DOCK3: variants seen among roughly 807,000 people sequenced by gnomAD.
The protein encoded by DOCK3 is dedicator of cytokinesis protein 3.
In DOCK3, 60 loss-of-function variants were observed where a neutral mutation model predicts 265.6. The ratio of observed to expected loss-of-function variants is 0.23; its 90% confidence interval spans 0.18 to 0.28. The LOEUF (loss-of-function observed/expected upper bound fraction) is 0.28. DOCK3 is among the 10% of genes least tolerant of loss of function. DOCK3 has a pLI of 1.00. For synonymous variants in DOCK3, 881 were observed against 938.0 expected (o/e 0.94, Z 1.11); for missense variants, 1,981 against 2,594.3 (o/e 0.76, Z 5.14).
intron 21 of DOCK3, among the ~76,000 whole-genome samples, chr3:51,239,232 CAG>C (rs1173539348): frequency 2.8e-4 from 6 of 21,366 alleles, no homozygotes; most frequent in African/African-American, 7.9e-4. Context: ...TATTTAGAGA[CAG>C]AGTCTCACTC....
At chr3:51,044,963 T>A (rs959705432) in intron 5 of DOCK3, among the ~76,000 whole-genome samples, 29 of 152,160 alleles carry the variant, frequency 1.9e-4, no homozygotes, top group Admixed American at 6.6e-4. Context: ...CACTCAAAAA[T>A]TTTTTTTATA....
At chr3:51,101,176 A>C (rs2083075255) in intron 9 of DOCK3, among the ~76,000 whole-genome samples, 1 of 140,220 alleles carries the variant, frequency 7.1e-6, no homozygotes, top group Non-Finnish European at 1.5e-5. Context: ...TGCGGACTGC[A>C]GTGGCGCAAT....
At chr3:51,143,423 C>A (rs1276505861) in intron 9 of DOCK3, among the ~76,000 whole-genome samples, 2 of 151,720 alleles carry the variant, frequency 1.3e-5, no homozygotes, top group Non-Finnish European at 2.9e-5. Flanking sequence ...GCACCCGCCA[C>A]TATGCCTGGC....
intron 3 of DOCK3, among the ~76,000 whole-genome samples, chr3:50,867,420 G>A (rs2047197044): frequency 6.6e-6 from 1 of 151,886 alleles, no homozygotes; most frequent in Admixed American, 6.6e-5. Context: ...GTTTTTTTCT[G>A]TTGTCTGATT....
At chr3:50,887,186 C>T (rs1356681008) in intron 3 of DOCK3, among the ~76,000 whole-genome samples, 1 of 151,986 alleles carries the variant, frequency 6.6e-6, no homozygotes, top group Admixed American at 6.6e-5. Context: ...GGGATATCAC[C>T]ACCGATCCCA....
At chr3:50,736,335 G>C (rs920287092) in intron 1 of DOCK3, among the ~76,000 whole-genome samples, 1 of 152,116 alleles carries the variant, frequency 6.6e-6, no homozygotes, top group Non-Finnish European at 1.5e-5. Flanking sequence ...AGTCTTTGCT[G>C]TTGTGAATAG....
At chr3:50,757,423 G>C (rs965688560) in intron 1 of DOCK3, among the ~76,000 whole-genome samples, 1 of 150,126 alleles carries the variant, frequency 6.7e-6, no homozygotes, top group African/African-American at 2.4e-5. Context: ...CCACCTGCCT[G>C]GGCCTCCCAA....
At chr3:51,245,950 T>C (rs1170455942) in intron 21 of DOCK3, among the ~76,000 whole-genome samples, 1 of 152,194 alleles carries the variant, frequency 6.6e-6, no homozygotes, top group Non-Finnish European at 1.5e-5. Flanking sequence ...AAACTAGATA[T>C]TGATAGGCCC....
chr3:51,072,952 C>T (rs1217450866), intron 6 of DOCK3, among the ~76,000 whole-genome samples: 1 of 151,632 alleles, frequency 6.6e-6, no homozygotes, highest in East Asian at 1.9e-4. Flanking sequence ...AAGCAGTCCT[C>T]GCTCCCTGAC....
At chr3:50,845,701 T>G (rs1008179436) in intron 3 of DOCK3, among the ~76,000 whole-genome samples, 1 of 152,110 alleles carries the variant, frequency 6.6e-6, no homozygotes, top group African/African-American at 2.4e-5. Flanking sequence ...AAAATAGGGT[T>G]TATCAGGAAA....
chr3:50,978,239 G>GT (rs983336811), intron 5 of DOCK3, among the ~76,000 whole-genome samples: 2 of 149,362 alleles, frequency 1.3e-5, no homozygotes, highest in African/African-American at 4.9e-5. Context: ...AGAGTTTCCA[G>GT]TTTTTCTGTT....
chr3:51,366,988 G>A (rs534829321), intron 49 of DOCK3, among the ~76,000 whole-genome samples: 1 of 152,326 alleles, frequency 6.6e-6, no homozygotes, highest in African/African-American at 2.4e-5. Flanking sequence ...GGAGAGTTCT[G>A]TAGATGTCTA....
At chr3:50,999,661 T>C (rs2078404529) in intron 5 of DOCK3, among the ~76,000 whole-genome samples, 1 of 152,210 alleles carries the variant, frequency 6.6e-6, no homozygotes, top group Non-Finnish European at 1.5e-5. Flanking sequence ...ATTTTGGTGT[T>C]CAATAGGAAT....
intron 10 of DOCK3, among the ~76,000 whole-genome samples, chr3:51,158,888 C>A (rs1303786589): frequency 6.6e-6 from 1 of 152,094 alleles, no homozygotes; most frequent in African/African-American, 2.4e-5. Flanking sequence ...CCAATTTTTT[C>A]TTTACTGAAC....
chr3:50,910,943 G>A (rs2049821625), intron 4 of DOCK3, among the ~76,000 whole-genome samples: 1 of 151,776 alleles, frequency 6.6e-6, no homozygotes, highest in Non-Finnish European at 1.5e-5. Flanking sequence ...TCCTGCAGAG[G>A]ATGATTGCTG....
intron 22 of DOCK3, among the ~76,000 whole-genome samples, chr3:51,248,076 G>A (rs1355841410): frequency 6.6e-6 from 1 of 152,200 alleles, no homozygotes; most frequent in Non-Finnish European, 1.5e-5. Context: ...CCATGCTTCA[G>A]ACACTGTTCT....
intron 5 of DOCK3, among the ~76,000 whole-genome samples, chr3:50,979,403 A>G (rs928359680): frequency 7.2e-5 from 11 of 152,160 alleles, no homozygotes; most frequent in African/African-American, 2.7e-4. Flanking sequence ...TGTTTGGGTC[A>G]TGGGGGTGGA....
chr3:50,881,529 A>G (rs2107659388), intron 3 of DOCK3, among the ~76,000 whole-genome samples: 1 of 152,326 alleles, frequency 6.6e-6, no homozygotes, highest in Non-Finnish European at 1.5e-5. Context: ...CTTCAAAGAG[A>G]GTAAAATACC....
At chr3:51,256,353 C>G (rs1204697321) in intron 22 of DOCK3, among the ~76,000 whole-genome samples, 1 of 152,198 alleles carries the variant, frequency 6.6e-6, no homozygotes, top group Non-Finnish European at 1.5e-5. Flanking sequence ...TCAGTGCAAC[C>G]TCTGCCTCCT....
Sources: allele counts gnomAD v4.1 joint callset (sites outside exome capture counted in the v4.1 genomes callset), GRCh38; gene constraint gnomAD v4.1.1; transcripts MANE v1.5; gene names NCBI Gene and HGNC (gene_info 2026-07-23, HGNC 2026-07-21).